Variants in PSMD13 observed in about 807,000 individuals in gnomAD.
PSMD13 encodes 26S proteasome non-ATPase regulatory subunit 13.
A neutral mutation model predicts 57.4 loss-of-function variants in PSMD13; 8 were observed. The observed-to-expected ratio is 0.14, with a 90% CI of 0.08 to 0.25. The LOEUF (loss-of-function observed/expected upper bound fraction) is 0.25, where lower values mean the gene tolerates loss of function less well. PSMD13 is among the 10% of genes least tolerant of loss of function. The pLI, the probability that PSMD13 is intolerant of heterozygous loss-of-function variation, is 1.00. For missense variants in PSMD13, 400 were observed against 461.5 expected, an observed-to-expected ratio of 0.87 and a Z score of 1.22; for synonymous variants, 193 against 168.2, an observed-to-expected ratio of 1.15 and a Z score of -1.14.
intron 7 of PSMD13, chr11:248,531 T>C: frequency 1.9e-6 from 1 of 515,540 alleles, no homozygotes; most frequent in Non-Finnish European, 3.4e-6. Context: ...GCTGAAAATA[T>C]GAATAGATTC....
In PSMD13 at chr11:237,157, CAGACGGGCCCTGGG is replaced by C. The variant is rs1295107590; in HGVS notation, c.95+14_95+27del. ...TCTACACGAAGAAGTGAGCGCCGAG[CAGACGGGCCCTGGG>C]CCCCGGCGATAGAGGGAGACGGAGG... On this transcript the variant is annotated intron_variant, in intron 1 of 12. Transcript: ENST00000532097. The C allele has an allele frequency of 6.2e-7, 1 of 1,605,708 alleles. No individual in the cohort carries two copies. Among genetic ancestry groups the C allele is most frequent in the East Asian group, 2.2e-5 (1 of 44,570 alleles).
In PSMD13 at chr11:252,127, C is replaced by T; in HGVS notation, c.1035+191C>T. 1 of 569,198 alleles carries T rather than the reference C, an allele frequency of 1.8e-6. No individual in the cohort carries two copies. Among genetic ancestry groups the T allele is most frequent in the Non-Finnish European group, 3.1e-6 (1 of 320,152 alleles). The allele number at this position is 569,198 out of a possible 1,614,324, so 35.3% of individuals were successfully genotyped here. ...ATGCAAGCCTAGGGTTTGAACCCTGCATTTAAAAGCTTATGATGACAATGG... is the reference window on the plus strand; with the variant it reads ...ATGCAAGCCTAGGGTTTGAACCCTGTATTTAAAAGCTTATGATGACAATGG... On this transcript the variant is annotated intron_variant, in intron 12 of 12. Coordinates refer to ENST00000532097, the MANE Select transcript of PSMD13 (RefSeq NM_002817.4). This position sits in a 1 kb window ranked among gnomAD's most constrained non-coding sequence, Gnocchi z 4.1.
At chr11:238,574 G>C (rs1232942006) in intron 1 of PSMD13, among the ~76,000 whole-genome samples, 1 of 152,190 alleles carries the variant, frequency 6.6e-6, no homozygotes, top group Non-Finnish European at 1.5e-5. Flanking sequence ...GGGAGGCTGA[G>C]GCAGGAGAAT....
At chr11:239,164 T>C in intron 2 of PSMD13, 88 bp downstream of exon 2, 1 of 1,212,316 alleles carries the variant, frequency 8.2e-7, no homozygotes, top group Non-Finnish European at 1.2e-6. Flanking sequence ...ATAATAATAA[T>C]AAGCTCCAAT....
chr11:238,517 T>G (rs1314376844), intron 1 of PSMD13, among the ~76,000 whole-genome samples: 1 of 152,092 alleles, frequency 6.6e-6, no homozygotes, highest in South Asian at 2.1e-4. Context: ...CAGAAATGCA[T>G]TGGGGCGGCC....
At chr11:239,996 T>C (rs1242083183) in intron 2 of PSMD13, among the ~76,000 whole-genome samples, 1 of 152,086 alleles carries the variant, frequency 6.6e-6, no homozygotes, top group East Asian at 1.9e-4. Flanking sequence ...AGCCATCAAT[T>C]TGACATTTTA....
Position 251,740 on chromosome 11 carries a change from A to T in PSMD13, c.919-80A>T. The T allele has an allele frequency of 6.5e-7, 1 of 1,535,064 alleles. No homozygotes were observed. The highest frequency in any genetic ancestry group is 1.1e-5 in the South Asian group (1 of 88,644). On this transcript the variant is annotated intron_variant, in intron 11 of 12. Coordinates refer to ENST00000532097, the MANE Select transcript of PSMD13 (RefSeq NM_002817.4). This position sits in a 1 kb window ranked among gnomAD's most constrained non-coding sequence, Gnocchi z 4.6. ...AGTAAAAAATGACGGGAGGAGCGGCATCTGCTTCTCACAAGCCATCTGGGT... is the reference window on the plus strand; with the variant it reads ...AGTAAAAAATGACGGGAGGAGCGGCTTCTGCTTCTCACAAGCCATCTGGGT...
intron 9 of PSMD13, among the ~76,000 whole-genome samples, chr11:250,198 A>G (rs1859743384): frequency 6.6e-6 from 1 of 152,248 alleles, no homozygotes; most frequent in African/African-American, 2.4e-5. Context: ...TGCTATTTGA[A>G]TTAAAACAAC....
chr11:250,744 T>C (rs1212402219), intron 9 of PSMD13, 59 bp from the exon 10 acceptor site: 1 of 1,514,034 alleles, frequency 6.6e-7, no homozygotes, highest in Non-Finnish European at 9.2e-7. Flanking sequence ...AGATCCCCAG[T>C]TAAGTAACTG....
In PSMD13 at chr11:248,786, G is replaced by C. The variant is rs1042533413; in HGVS notation, c.579G>C (p.Gln193His). The part of the protein sequence containing the change: ...VDIKDLPVSE[Q>H]QERAFTLGLA... Reference sequence around the variant, plus strand: ...GTGTTGCTACCATAGTGTCTGAGCAGCAGGAGAGAGCCTTCACGCTGGGGC... The same window carrying C: ...GTGTTGCTACCATAGTGTCTGAGCACCAGGAGAGAGCCTTCACGCTGGGGC... Residue 193 changes from glutamine to histidine, a missense_variant, in exon 8 of 13, where the codon CAG becomes CAC. Gln to His is a conservative substitution (Grantham distance 24). Transcript: ENST00000532097. 1.9e-6 allele frequency: 3 copies of C among 1,614,224 alleles called. No individual in the cohort carries two copies. Among genetic ancestry groups the C allele is most frequent in the Non-Finnish European group, 2.5e-6 (3 of 1,180,026 alleles).
At chr11:249,349 A>T (rs1362059687) in intron 9 of PSMD13, among the ~76,000 whole-genome samples, 2 of 151,976 alleles carry the variant, frequency 1.3e-5, no homozygotes, top group Non-Finnish European at 2.9e-5. Context: ...AGTCATAGTG[A>T]CCTAAGGTCT....
chr11:239,041 G>A lies in PSMD13; in HGVS notation c.139G>A (p.Asp47Asn), dbSNP rs1338375804. The A allele has an allele frequency of 6.2e-6, 10 of 1,614,132 alleles. No individual in the cohort carries two copies. Among genetic ancestry groups the A allele is most frequent in the East Asian group, 2.2e-5 (1 of 44,888 alleles). ...ACTTCAGGTGCTTGATTTTGTGCAG[G>A]ATCCGTGCTTTGCCCAAGGAGATGG... ...LTLQVLDFVQ[D>N]PCFAQGDGLI... Residue 47 changes from aspartate (D) to asparagine (N), a missense_variant, in exon 2 of 13, where the codon GAT becomes AAT. Transcript: ENST00000532097.
Position 237,129 on chromosome 11 carries a change from A to C in PSMD13, c.80A>C (p.Glu27Ala), listed in dbSNP as rs968042781. 3.7e-6 allele frequency: 6 copies of C among 1,612,596 alleles called. No individual in the cohort carries two copies. In the East Asian group the frequency reaches 1.3e-4, roughly 36 times the overall value. ...CCCGCTGTGTGGCACCGTCTGGAGG[A>C]GCTCTACACGAAGAAGTGAGCGCCG... ...GQPAVWHRLE[E>A]LYTKKLWHQL... The change falls in exon 1 of 13, where the codon GAG (glutamate) becomes GCG (alanine). Residue 27 changes from glutamate to alanine, a missense_variant. By Grantham distance (107) the Glu-to-Ala change is moderately radical. Transcript: ENST00000532097.
chr11:247,234 CT>C (rs753130643), intron 6 of PSMD13, 42 bp from the exon 7 acceptor site: 1 of 1,562,262 alleles, frequency 6.4e-7, no homozygotes, highest in East Asian at 2.3e-5. Context: ...ATAAAATAAA[CT>C]TTTAACTTAA....
chr11:249,285 G>A lies in PSMD13; in HGVS notation c.774+228G>A, dbSNP rs552054417. Among the ~76,000 whole-genome samples, 355 of 152,186 alleles carry A rather than the reference G, an allele frequency of 2.3e-3. 1 individual carries two copies. The highest frequency in any genetic ancestry group is 0.01 in the Middle Eastern group (3 of 294). Reference sequence around the variant, plus strand: ...GAGGGTGTTCTGAGAAAACAGAATCGAATGTGGGCCCTGCATCTACGCTGG... The same window carrying A: ...GAGGGTGTTCTGAGAAAACAGAATCAAATGTGGGCCCTGCATCTACGCTGG... On this transcript the variant is annotated intron_variant, in intron 9 of 12. Transcript: ENST00000532097.
chr11:248,579 A>G (rs1350148095), intron 7 of PSMD13, 197 bp from the exon 8 acceptor site: 1 of 579,638 alleles, frequency 1.7e-6, no homozygotes, highest in East Asian at 2.9e-5. Flanking sequence ...TGCTCCTCCC[A>G]AAAAACCCAT....
At chr11:250,127 A>C (rs1046202075) in intron 9 of PSMD13, among the ~76,000 whole-genome samples, 1 of 152,106 alleles carries the variant, frequency 6.6e-6, no homozygotes, top group Non-Finnish European at 1.5e-5. Flanking sequence ...ACAGAGCTTG[A>C]CCTGTCCAGT....
chr11:251,360 T>C lies in PSMD13; in HGVS notation c.838-186T>C, dbSNP rs1859761097. Reference sequence around the variant, plus strand: ...ACTCCTGTAAGGCATTTTGCTGTTATCCTTCTTATCTAAGCATTAAAAGCT... The same window carrying C: ...ACTCCTGTAAGGCATTTTGCTGTTACCCTTCTTATCTAAGCATTAAAAGCT... On this transcript the variant is annotated intron_variant, in intron 10 of 12. Transcript: ENST00000532097. The surrounding 1 kb of genome is among the most constrained non-coding windows in gnomAD (Gnocchi z 4.6). The C allele has an allele frequency of 1.7e-6, 1 of 589,724 alleles. No homozygotes were observed. Among genetic ancestry groups the C allele is most frequent in the Non-Finnish European group, 2.9e-6 (1 of 339,008 alleles). The allele number at this position is 589,724 out of a possible 1,614,324, so 36.5% of individuals were successfully genotyped here.
chr11:248,662 A>G (rs577571528), intron 7 of PSMD13, 114 bp from the exon 8 acceptor site: 2 of 1,018,818 alleles, frequency 2.0e-6, no homozygotes, highest in East Asian at 5.1e-5. Flanking sequence ...AAGGCTTTGT[A>G]ATAACAACCA....
Sources: gnomAD v4.1 joint callset for allele counts (sites outside exome capture counted in the v4.1 genomes callset) on GRCh38, gnomAD v4.1.1 for gene constraint, Gnocchi (gnomAD v3.1) non-coding constraint, MANE v1.5 for transcripts, NCBI Gene and HGNC (gene_info 2026-07-23, HGNC 2026-07-21) for gene names.